Variants in GLIS1 observed in about 807,000 individuals in gnomAD.
GLIS1 encodes zinc finger protein GLIS1.
A neutral mutation model predicts 63.8 loss-of-function variants in GLIS1; 24 were observed. The observed-to-expected ratio is 0.38, with a 90% CI of 0.27 to 0.53. GLIS1 has a LOEUF of 0.53. Among genes scored for constraint, GLIS1 ranks in the 20% least tolerant of loss-of-function variants. The pLI is 0.85. For missense variants in GLIS1, 1,036 were observed against 1,074.1 expected, an observed-to-expected ratio of 0.96 and a Z score of 0.50; for synonymous variants, 450 against 482.5, an observed-to-expected ratio of 0.93 and a Z score of 0.88.
chr1:53,550,272 C>G (rs1329439660), intron 4 of GLIS1, among the ~76,000 whole-genome samples: 1 of 152,218 alleles, frequency 6.6e-6, no homozygotes, highest in Non-Finnish European at 1.5e-5. Context: ...ATGATGTCAG[C>G]ACCAGAAGCA....
chr1:53,717,668 C>A (rs1646714380), intron 2 of GLIS1, among the ~76,000 whole-genome samples: 1 of 152,196 alleles, frequency 6.6e-6, no homozygotes, highest in South Asian at 2.1e-4. Flanking sequence ...ACCCAGCAGG[C>A]CTCCATCTCC....
intron 2 of GLIS1, among the ~76,000 whole-genome samples, chr1:53,732,453 C>T (rs1557546669): frequency 6.6e-6 from 1 of 150,568 alleles, no homozygotes; most frequent in Non-Finnish European, 1.5e-5. Context: ...CTGGACTTTG[C>T]TTCCAATGCT....
chr1:53,644,564 CAACT>C (rs1645821969), intron 2 of GLIS1, among the ~76,000 whole-genome samples: 1 of 152,068 alleles, frequency 6.6e-6, no homozygotes. Flanking sequence ...TCTTCAAAAA[CAACT>C]GAGTAGAGTA....
At chr1:53,528,065 G>C (rs931436632) in intron 5 of GLIS1, among the ~76,000 whole-genome samples, 1 of 152,070 alleles carries the variant, frequency 6.6e-6, no homozygotes, top group Non-Finnish European at 1.5e-5. Context: ...GTCAGCGCTG[G>C]CTTGTGGCCT....
intron 4 of GLIS1, among the ~76,000 whole-genome samples, chr1:53,533,339 G>A (rs1644549914): frequency 6.6e-6 from 1 of 152,216 alleles, no homozygotes; most frequent in African/African-American, 2.4e-5. Flanking sequence ...CAAAGGGTGG[G>A]ACAGAAGCAT....
chr1:53,719,335 C>A (rs370713875), intron 2 of GLIS1, among the ~76,000 whole-genome samples: 1 of 152,200 alleles, frequency 6.6e-6, no homozygotes, highest in Non-Finnish European at 1.5e-5. Flanking sequence ...AAGGAAAAAG[C>A]GTTCCCTCCC....
At chr1:53,615,153 A>T (rs1645467672) in intron 2 of GLIS1, among the ~76,000 whole-genome samples, 1 of 151,972 alleles carries the variant, frequency 6.6e-6, no homozygotes, top group African/African-American at 2.4e-5. Flanking sequence ...CTCCTGGCCC[A>T]CCTCTAGTAA....
chr1:53,525,593 A>G (rs551480352), intron 5 of GLIS1, among the ~76,000 whole-genome samples: 13 of 148,684 alleles, frequency 8.7e-5, no homozygotes, highest in African/African-American at 3.2e-4. Context: ...ATCCATCCCC[A>G]CTGCCCCTCC....
intron 2 of GLIS1, among the ~76,000 whole-genome samples, chr1:53,625,045 T>C (rs949688436): frequency 6.6e-6 from 1 of 152,202 alleles, no homozygotes; most frequent in African/African-American, 2.4e-5. Context: ...TGCTCTATCA[T>C]GAAGGACTGC....
intron 2 of GLIS1, among the ~76,000 whole-genome samples, chr1:53,670,349 C>T (rs530664211): frequency 6.6e-6 from 1 of 152,310 alleles, no homozygotes; most frequent in African/African-American, 2.4e-5. Flanking sequence ...CGACAGACCC[C>T]AATCTGATGC....
At chr1:53,726,750 C>G (rs1297918908) in intron 2 of GLIS1, among the ~76,000 whole-genome samples, 2 of 152,156 alleles carry the variant, frequency 1.3e-5, no homozygotes, top group Non-Finnish European at 2.9e-5. Context: ...ACTATGCCCA[C>G]CAGCCAGACC....
At chr1:53,584,221 C>T (rs1052933548) in intron 4 of GLIS1, among the ~76,000 whole-genome samples, 13 of 152,208 alleles carry the variant, frequency 8.5e-5, no homozygotes, top group African/African-American at 2.4e-4. Flanking sequence ...TCCACTCCCT[C>T]GGGGCACAGT....
At chr1:53,506,893 C>G (rs1008724861) in intron 10 of GLIS1, 117 bp from the exon 11 acceptor site, 1 of 1,049,620 alleles carries the variant, frequency 9.5e-7, no homozygotes, top group South Asian at 1.6e-5. Flanking sequence ...AGTGTCCCGT[C>G]GGTGGGGCCT....
At chr1:53,525,302 AG>A (rs1644454545) in intron 5 of GLIS1, among the ~76,000 whole-genome samples, 1 of 150,980 alleles carries the variant, frequency 6.6e-6, no homozygotes, top group South Asian at 2.1e-4. Context: ...GGAGAGGGGA[AG>A]GGGGCACCCA....
intron 2 of GLIS1, among the ~76,000 whole-genome samples, chr1:53,603,050 C>T (rs939776190): frequency 3.9e-5 from 6 of 152,170 alleles, no homozygotes; most frequent in Non-Finnish European, 7.4e-5. Context: ...GGAGATCAAA[C>T]CCATCACTTC....
At chr1:53,654,648 C>G (rs958658707) in intron 2 of GLIS1, among the ~76,000 whole-genome samples, 2 of 152,104 alleles carry the variant, frequency 1.3e-5, no homozygotes, top group African/African-American at 2.4e-5. Flanking sequence ...AGCGCAGTGT[C>G]TGGAGAACAA....
At chr1:53,727,585 T>C (rs1483932588) in intron 2 of GLIS1, among the ~76,000 whole-genome samples, 2 of 152,248 alleles carry the variant, frequency 1.3e-5, no homozygotes, top group East Asian at 1.9e-4. Flanking sequence ...GCGCCAATCC[T>C]GGCCAAGAGG....
intron 2 of GLIS1, among the ~76,000 whole-genome samples, chr1:53,624,610 A>G (rs1645576621): frequency 6.6e-6 from 1 of 151,572 alleles, no homozygotes. Context: ...GCGCAATCCT[A>G]GCTCACTGCA....
chr1:53,583,445 T>C (rs899732778), intron 4 of GLIS1, among the ~76,000 whole-genome samples: 1 of 152,230 alleles, frequency 6.6e-6, no homozygotes. Flanking sequence ...GCCCAGCAGA[T>C]GTCCCAGTCT....
Sources: gnomAD v4.1 joint callset for allele counts (sites outside exome capture counted in the v4.1 genomes callset) on GRCh38, gnomAD v4.1.1 for gene constraint, MANE v1.5 for transcripts, NCBI Gene and HGNC (gene_info 2026-07-23, HGNC 2026-07-21) for gene names.